Variants in RELN observed in about 807,000 individuals in gnomAD.
RELN encodes the protein reelin.
Under a neutral mutation model 427.6 loss-of-function variants are expected in RELN, and 108 were observed. The ratio of observed to expected loss-of-function variants is 0.25; its 90% CI spans 0.22 to 0.30. The LOEUF (loss-of-function observed/expected upper bound fraction) is 0.30, where lower values mean the gene tolerates loss of function less well. RELN is among the 10% of genes least tolerant of loss of function. RELN has a pLI of 1.00. For synonymous variants in RELN, 1,524 were observed against 1,513.4 expected (o/e 1.01, Z -0.16); for missense variants, 3,715 against 4,302.8 (o/e 0.86, Z 3.82).
chr7:103,759,543 G>A (rs1791243586), intron 4 of RELN, among the ~76,000 whole-genome samples: 1 of 152,090 alleles, frequency 6.6e-6, no homozygotes, highest in Non-Finnish European at 1.5e-5. Flanking sequence ...CTCTGTGTTG[G>A]TGATAGTTCT....
intron 2 of RELN, among the ~76,000 whole-genome samples, chr7:103,874,517 T>C (rs1230535307): frequency 6.9e-6 from 1 of 145,778 alleles, no homozygotes; most frequent in Non-Finnish European, 1.5e-5. Context: ...AGTCTCAGGA[T>C]ACAAAATCAA....
chr7:103,839,064 T>C (rs189668373), intron 2 of RELN, among the ~76,000 whole-genome samples: 5 of 152,296 alleles, frequency 3.3e-5, no homozygotes, highest in East Asian at 3.9e-4. Flanking sequence ...AGCCAATAAT[T>C]TGCATTAGAA....
rs764558347 is a variant in RELN at position 103,728,093 on chromosome 7, T to C, written c.753+18A>G. ...AAATACTATAATGGAATAATGTACA[T>C]GAATAGCACATACTTACCAGTTCTC... On this transcript the variant is annotated intron_variant, in intron 7 of 64. Coordinates refer to ENST00000428762, the MANE Select transcript of RELN (RefSeq NM_005045.4). 6.2e-7 allele frequency: 1 copy of C among 1,609,344 alleles called. No individual in the cohort carries two copies.
intron 3 of RELN, among the ~76,000 whole-genome samples, chr7:103,812,199 T>C (rs1009201339): frequency 1.3e-5 from 2 of 152,078 alleles, no homozygotes; most frequent in African/African-American, 4.8e-5. Flanking sequence ...CTTAGGGTGA[T>C]ATCCCCAGTC....
At chr7:103,638,683 A>G (rs1832634682) in intron 17 of RELN, among the ~76,000 whole-genome samples, 1 of 152,214 alleles carries the variant, frequency 6.6e-6, no homozygotes, top group East Asian at 1.9e-4. Flanking sequence ...TGTTAGAAAT[A>G]GGGAAAAACA....
Position 103,950,474 on chromosome 7 carries a change from T to G in RELN, c.227-33289A>C, listed in dbSNP as rs544501372. Among the ~76,000 whole-genome samples the G allele has an allele frequency of 2.6e-5, 4 of 152,302 alleles. No homozygotes were observed. The South Asian group carries it at 6.2e-4, about 24-fold the overall frequency. ...AAAAAATCAGCAATATGCATTTAGT[T>G]ATCCAAAAAGGCATATAAAACACTA... On this transcript the variant is annotated intron_variant, in intron 1 of 64. Transcript: ENST00000428762.
chr7:103,766,402 A>G (rs1791425384), intron 4 of RELN, among the ~76,000 whole-genome samples: 1 of 152,228 alleles, frequency 6.6e-6, no homozygotes, highest in Admixed American at 6.5e-5. Flanking sequence ...AATGAGAGAG[A>G]AACAAGTCTG....
intron 17 of RELN, among the ~76,000 whole-genome samples, chr7:103,638,074 T>TA (rs140427433): frequency 0.26 from 39,941 of 151,728 alleles, 5,669 homozygotes; most frequent in Middle Eastern, 0.42. Flanking sequence ...AAATATTTTT[T>TA]AAAAAAAACA....
At chr7:103,629,231 G>A (rs1306502897) in intron 20 of RELN, among the ~76,000 whole-genome samples, 1 of 152,060 alleles carries the variant, frequency 6.6e-6, no homozygotes, top group Non-Finnish European at 1.5e-5. Flanking sequence ...ACTCAACACT[G>A]TTGTATTATC....
chr7:103,510,454 A>C (rs1446393314), intron 51 of RELN, among the ~76,000 whole-genome samples: 1 of 152,174 alleles, frequency 6.6e-6, no homozygotes, highest in East Asian at 1.9e-4. Flanking sequence ...ACATCGCCAC[A>C]GGGAGAGGAA....
chr7:103,596,650 T>C lies in RELN; in HGVS notation c.3345A>G (p.Arg1115=). Reference sequence around the variant, plus strand: ...TATCCAGGTCCCAACTCACCAGCTGTCTTTTCCCAGCCTTTCAGAAAAGAA... The same window carrying C: ...TATCCAGGTCCCAACTCACCAGCTGCCTTTTCCCAGCCTTTCAGAAAAGAA... The part of the protein sequence containing the change: ...SSLYFSKAGK[R]QLVSWDLDTS... Residue 1115 remains arginine, a synonymous_variant, in exon 25 of 65, where the codon AGA becomes AGG. Transcript: ENST00000428762. 1 of 1,613,914 alleles carries C rather than the reference T, an allele frequency of 6.2e-7. No individual in the cohort carries two copies. The highest frequency in any genetic ancestry group is 1.1e-5 in the South Asian group (1 of 91,078).
intron 10 of RELN, among the ~76,000 whole-genome samples, chr7:103,695,353 G>T (rs1413779216): frequency 6.6e-6 from 1 of 151,930 alleles, no homozygotes; most frequent in Non-Finnish European, 1.5e-5. Flanking sequence ...TCTACTTAAC[G>T]GCCAAGTCAA....
At chr7:103,832,426 A>G (rs368955444) in intron 3 of RELN, among the ~76,000 whole-genome samples, 1 of 152,038 alleles carries the variant, frequency 6.6e-6, no homozygotes, top group African/African-American at 2.4e-5. Flanking sequence ...AAACACAAAA[A>G]AAACAACGAA....
At chr7:103,576,284 C>G (rs1306632247) in intron 28 of RELN, among the ~76,000 whole-genome samples, 2 of 152,012 alleles carry the variant, frequency 1.3e-5, no homozygotes, top group Non-Finnish European at 2.9e-5. Flanking sequence ...AGATTACAGG[C>G]ACATGCCACA....
At chr7:103,817,662 G>A (rs1285122063) in intron 3 of RELN, among the ~76,000 whole-genome samples, 1 of 151,930 alleles carries the variant, frequency 6.6e-6, no homozygotes, top group Middle Eastern at 3.2e-3. Context: ...ATAGACTATA[G>A]AAGAAAAGGT....
At chr7:103,888,236 G>GAA (rs569985640) in intron 2 of RELN, among the ~76,000 whole-genome samples, 144 of 103,580 alleles carry the variant, frequency 1.4e-3, no homozygotes, top group African/African-American at 5.4e-3. Context: ...GCTCTTTTAA[G>GAA]AAAAAAAAAT....
rs1274593270 is a variant in RELN, at chr7:103,968,532, A to C, written c.226+20599T>G. ...TGAAAGAAATTGTAAAAGGTAAGCA[A>C]ATGTAAAAAAGAAGAAATTAGATCT... On this transcript the variant is annotated intron_variant, in intron 1 of 64. Coordinates refer to ENST00000428762, the MANE Select transcript of RELN (RefSeq NM_005045.4). The surrounding 1 kb of genome is among the most constrained non-coding windows in gnomAD (Gnocchi z 4.3). Among the ~76,000 whole-genome samples, 1 of 152,206 alleles carries C rather than the reference A, an allele frequency of 6.6e-6. No homozygotes were observed. Among genetic ancestry groups the C allele is most frequent in the Non-Finnish European group, 1.5e-5 (1 of 68,034 alleles).
intron 28 of RELN, 113 bp from the exon 29 acceptor site, chr7:103,575,818 A>AAGCAGACATGACTT: frequency 8.4e-7 from 1 of 1,190,866 alleles, no homozygotes; most frequent in Non-Finnish European, 1.2e-6. Flanking sequence ...TTTGAAAGTC[A>AAGCAGACATGACTT]TGTCTGCTTG....
At chr7:103,490,519 G>A (rs1828614232) in intron 59 of RELN, 149 bp downstream of exon 59, 1 of 827,380 alleles carries the variant, frequency 1.2e-6, no homozygotes, top group Non-Finnish European at 2.0e-6. Flanking sequence ...GGGTTGGTGA[G>A]AGGAGGGAGA....
Sources: gnomAD v4.1 joint callset for allele counts (sites outside exome capture counted in the v4.1 genomes callset) on GRCh38, gnomAD v4.1.1 for gene constraint, Gnocchi (gnomAD v3.1) non-coding constraint, MANE v1.5 for transcripts, NCBI Gene and HGNC (gene_info 2026-07-23, HGNC 2026-07-21) for gene names.